Variants in UGT1A10 observed in about 807,000 individuals in gnomAD.
The protein encoded by UGT1A10 is UDP glucuronosyltransferase family 1 member A10.
UGT1A10 carries 49 observed loss-of-function variants against 45.8 expected under a neutral mutation model. That is an observed-to-expected ratio of 1.07 (90% CI 0.85 to 1.36). UGT1A10 has a LOEUF of 1.36. Among genes scored for constraint, UGT1A10 ranks in the 40% most tolerant of loss-of-function variants. The probability of loss-of-function intolerance (pLI) is 0.00; values close to 1 mark genes in which losing one functional copy is unlikely to be tolerated. For missense variants in UGT1A10, 745 were observed against 668.6 expected (o/e 1.11, Z -1.26); for synonymous variants, 284 against 249.7 (o/e 1.14, Z -1.29).
At chr2:233,724,263 A>G (rs1575551181) in intron 1 of UGT1A10, among the ~76,000 whole-genome samples, 11 of 125,726 alleles carry the variant, frequency 8.7e-5, no homozygotes, top group Admixed American at 7.6e-4. Context: ...CACCTCCCGG[A>G]CGGGGCGGCT....
intron 1 of UGT1A10, chr2:233,719,004 A>T: frequency 6.2e-7 from 1 of 1,614,212 alleles, no homozygotes; most frequent in Non-Finnish European, 8.5e-7. Flanking sequence ...GGTGGTCCTC[A>T]CCCCAGAGGT....
intron 1 of UGT1A10, among the ~76,000 whole-genome samples, chr2:233,709,579 A>G (rs936977036): frequency 6.6e-6 from 1 of 152,240 alleles, no homozygotes; most frequent in African/African-American, 2.4e-5. Flanking sequence ...AATTCAAAAA[A>G]TATACCAGGA....
rs41270755 is a variant in UGT1A10 at position 233,713,136 on chromosome 2, C to T, written c.856-53898C>T. On this transcript the variant is annotated intron_variant, in intron 1 of 4. Transcript: ENST00000344644. The stretch of plus-strand genomic sequence containing the variant: ...CTGGCTCAGCATGCGGGAGGCCTTG[C>T]GGGACCTCCATGCGAGAGGCCACCA... The T allele has an allele frequency of 1.3e-3, 2,088 of 1,614,170 alleles. 4 individuals are homozygous for T. The highest frequency in any genetic ancestry group is 1.7e-3 in the Non-Finnish European group (1,948 of 1,180,016).
At chr2:233,750,502 A>T (rs1694477607) in intron 1 of UGT1A10, 1 of 152,122 alleles carries the variant, frequency 6.6e-6, no homozygotes, top group East Asian at 1.9e-4. Context: ...GAGGAGCCAA[A>T]TGTTAATTGC....
chr2:233,743,979 A>T (rs1692622611), intron 1 of UGT1A10: 1 of 1,306,002 alleles, frequency 7.7e-7, no homozygotes, highest in Non-Finnish European at 1.0e-6. Flanking sequence ...GCCAGCACCC[A>T]GGCGCAGGCC....
chr2:233,636,691 G>A lies in UGT1A10; in HGVS notation c.169G>A (p.Val57Ile). 6.2e-7 allele frequency: 1 copy of A among 1,614,188 alleles called. No individual in the cohort carries two copies. Among genetic ancestry groups the A allele is most frequent in the Non-Finnish European group, 8.5e-7 (1 of 1,180,036 alleles). The change falls in exon 1 of 5, where the codon GTA becomes ATA. Residue 57 changes from valine to isoleucine, a missense_variant. Physicochemically the swap from Val to Ile is conservative, Grantham distance 29. Transcript: ENST00000344644. ...TATCCTCAGGGGGCATGAGGTGGTT[G>A]TAGTCATGCCAGAGGTGAGTTGGCA... is the stretch of plus-strand genomic sequence containing the variant. ...KLILRGHEVV[V>I]VMPEVSWQLE...
At chr2:233,718,649 C>T (rs1013351620) in intron 1 of UGT1A10, 54 of 1,503,054 alleles carry the variant, frequency 3.6e-5, no homozygotes, top group Middle Eastern at 2.4e-4. Context: ...GGGCCCATAA[C>T]GAAAGGCAGT....
intron 1 of UGT1A10, among the ~76,000 whole-genome samples, chr2:233,643,039 G>T (rs188929391): frequency 6.6e-6 from 1 of 152,176 alleles, no homozygotes; most frequent in Non-Finnish European, 1.5e-5. Flanking sequence ...AAGGCCTGCT[G>T]TAACCACCTC....
chr2:233,753,865 C>T (rs560460253), intron 1 of UGT1A10, among the ~76,000 whole-genome samples: 1 of 152,330 alleles, frequency 6.6e-6, no homozygotes, highest in East Asian at 1.9e-4. Context: ...CACATAACCC[C>T]AAGGTCTGTC....
chr2:233,660,897 G>A (rs571493051), intron 1 of UGT1A10, among the ~76,000 whole-genome samples: 32 of 152,216 alleles, frequency 2.1e-4, no homozygotes, highest in African/African-American at 7.5e-4. Context: ...GATTTTTAAA[G>A]TCAAACCTCT....
At chr2:233,709,315 A>AT (rs1229942290) in intron 1 of UGT1A10, among the ~76,000 whole-genome samples, 1 of 152,156 alleles carries the variant, frequency 6.6e-6, no homozygotes, top group Non-Finnish European at 1.5e-5. Context: ...TAGATGTCAG[A>AT]TTTTTTGTTA....
At position 233,767,163 on chromosome 2, in the gene UGT1A10, A is replaced by C; in HGVS notation, c.985A>C (p.Thr329Pro). ...TGATGCTTTGGGCAAAATCCCTCAG[A>C]CAGTAAGAAGATTCTATACCATGGC... is the stretch of plus-strand genomic sequence containing the variant. Reference protein sequence around the residue: ...IADALGKIPQTVLWRYTGTRP... With the variant: ...IADALGKIPQPVLWRYTGTRP... Residue 329 changes from threonine (T) to proline (P), a missense_variant and splice_region_variant, in exon 2 of 5, where the codon ACA becomes CCA. Thr to Pro is a conservative substitution (Grantham distance 38). Coordinates refer to ENST00000344644, the MANE Select transcript of UGT1A10 (RefSeq NM_019075.4). The C allele has an allele frequency of 6.2e-7, 1 of 1,614,100 alleles. No individual in the cohort carries two copies. The highest frequency in any genetic ancestry group is 8.5e-7 in the Non-Finnish European group (1 of 1,180,006).
At chr2:233,640,403 A>G (rs900568341) in intron 1 of UGT1A10, among the ~76,000 whole-genome samples, 1 of 152,124 alleles carries the variant, frequency 6.6e-6, no homozygotes, top group Non-Finnish European at 1.5e-5. Context: ...AAATATAAAA[A>G]ATAAGTAAAA....
At chr2:233,697,949 A>G (rs2075419607) in intron 1 of UGT1A10, among the ~76,000 whole-genome samples, 1 of 152,244 alleles carries the variant, frequency 6.6e-6, no homozygotes, top group Non-Finnish European at 1.5e-5. Flanking sequence ...AGTAAATGAA[A>G]GCTATTTATT....
chr2:233,717,899 T>G, intron 1 of UGT1A10: 1 of 454,812 alleles, frequency 2.2e-6, no homozygotes, highest in Non-Finnish European at 4.4e-6. Flanking sequence ...ATCTTCAGGA[T>G]GAAATAAAGG....
intron 1 of UGT1A10, among the ~76,000 whole-genome samples, chr2:233,661,348 G>A (rs759502318): frequency 3.3e-5 from 5 of 152,154 alleles, no homozygotes; most frequent in Admixed American, 6.6e-5. Flanking sequence ...TTACCACCAG[G>A]AGACTCCTTA....
At chr2:233,641,562 A>G (rs535664733) in intron 1 of UGT1A10, among the ~76,000 whole-genome samples, 1 of 152,314 alleles carries the variant, frequency 6.6e-6, no homozygotes, top group South Asian at 2.1e-4. Context: ...ACAATGTTAT[A>G]ATATTCTGTG....
At chr2:233,641,974 C>T (rs2073465347) in intron 1 of UGT1A10, among the ~76,000 whole-genome samples, 1 of 151,984 alleles carries the variant, frequency 6.6e-6, no homozygotes, top group African/African-American at 2.4e-5. Context: ...TATTAAATGC[C>T]TTGAGGTAGT....
intron 1 of UGT1A10, chr2:233,748,172 T>A: frequency 6.3e-7 from 1 of 1,584,752 alleles, no homozygotes; most frequent in Non-Finnish European, 8.6e-7. Context: ...TCTACTTATC[T>A]TTCTGGTGCT....
Sources: allele counts gnomAD v4.1 joint callset (sites outside exome capture counted in the v4.1 genomes callset), GRCh38; gene constraint gnomAD v4.1.1; transcripts MANE v1.5; gene names NCBI Gene and HGNC (gene_info 2026-07-23, HGNC 2026-07-21).